The following UTS2 variants were observed in gnomAD, a reference collection of about 807,000 sequenced individuals.
UTS2 encodes the protein urotensin 2, also known as urotensin-2.
UTS2 carries 10 observed loss-of-function variants against 12.6 expected under a neutral mutation model. That is an observed-to-expected ratio of 0.80 (90% CI 0.49 to 1.35). The LOEUF is 1.35. Ranked by LOEUF, UTS2 falls within the 40% of genes most tolerant of loss-of-function variation. UTS2 has a pLI of 0.00. For missense variants in UTS2, 142 were observed against 143.2 expected (o/e 0.99, Z 0.04); for synonymous variants, 52 against 50.0 (o/e 1.04, Z -0.17).
the UTS2 span, among the ~76,000 whole-genome samples, chr1:7,870,860 T>A: frequency 7.0e-6 from 1 of 143,798 alleles, no homozygotes; most frequent in Non-Finnish European, 1.6e-5. Flanking sequence ...AAATTGAGGT[T>A]TTTTACTCGT....
chr1:7,892,515 A>G, the UTS2 span, among the ~76,000 whole-genome samples: 1 of 122,950 alleles, frequency 8.1e-6, no homozygotes. Context: ...TCACTCTGTC[A>G]TCCAGGCTGG....
the UTS2 span, among the ~76,000 whole-genome samples, chr1:7,867,714 A>G: frequency 1.3e-5 from 2 of 152,134 alleles, no homozygotes; most frequent in East Asian, 1.9e-4. Context: ...TGTCTCTACT[A>G]AAAATAGAAA....
chr1:7,866,134 G>A, the UTS2 span, among the ~76,000 whole-genome samples: 3 of 152,156 alleles, frequency 2.0e-5, no homozygotes, highest in Admixed American at 6.5e-5. This position sits in a 1 kb window ranked among gnomAD's most constrained non-coding sequence, Gnocchi z 4.5. Context: ...CCATGCCCAC[G>A]CTCTGGGCCC....
chr1:7,854,787 C>T (rs961032010), upstream of UTS2, among the ~76,000 whole-genome samples: 1 of 152,090 alleles, frequency 6.6e-6, no homozygotes, highest in African/African-American at 2.4e-5. Flanking sequence ...TGAAGTAATA[C>T]ACATGCGAAT....
chr1:7,849,556 C>G, intron 3 of UTS2, 84 bp downstream of exon 3: 1 of 1,253,036 alleles, frequency 8.0e-7, no homozygotes, highest in Non-Finnish European at 1.1e-6. Context: ...AAGAACACTC[C>G]TCTAGTTCAT....
At chr1:7,871,626 A>G in the UTS2 span, among the ~76,000 whole-genome samples, 1 of 152,034 alleles carries the variant, frequency 6.6e-6, no homozygotes, top group Non-Finnish European at 1.5e-5. Context: ...GAGCAAGTCT[A>G]TCAGCACCGT....
chr1:7,882,019 C>A, the UTS2 span, among the ~76,000 whole-genome samples: 27 of 152,122 alleles, frequency 1.8e-4, no homozygotes, highest in Non-Finnish European at 2.5e-4. Flanking sequence ...CAAGAACAGA[C>A]ACTGGGTAAA....
At chr1:7,881,757 C>A in the UTS2 span, among the ~76,000 whole-genome samples, 1 of 152,130 alleles carries the variant, frequency 6.6e-6, no homozygotes. Flanking sequence ...CAATGACATT[C>A]TTCACAGAAA....
the UTS2 span, among the ~76,000 whole-genome samples, chr1:7,885,912 G>C: frequency 2.4e-5 from 2 of 83,294 alleles, no homozygotes; most frequent in South Asian, 9.9e-4. Context: ...GTGGGGTGGG[G>C]GGGGGCGGGT....
At position 7,850,791 on chromosome 1, in the gene UTS2, TA is replaced by T. The variant is rs750642306; in HGVS notation, c.214+20del. 2.5e-6 allele frequency: 4 copies of T among 1,611,386 alleles called. No homozygotes were observed. The East Asian group carries it at 8.9e-5, about 36-fold the overall frequency. Reference sequence around the variant, plus strand: ...AGTAGCAATTAAATCAGACACGCTATAAACATGAGAAGCATTTTACCTGCTT... The same window carrying T: ...AGTAGCAATTAAATCAGACACGCTATAACATGAGAAGCATTTTACCTGCTT... On this transcript the variant is annotated intron_variant, in intron 2 of 3. Transcript: ENST00000361696.
upstream of UTS2, among the ~76,000 whole-genome samples, chr1:7,857,814 C>A (rs1638344075): frequency 6.9e-6 from 1 of 145,452 alleles, no homozygotes; most frequent in South Asian, 2.2e-4. Flanking sequence ...CATGCCATTG[C>A]ACTCCAGCCT....
At chr1:7,863,210 C>T in the UTS2 span, among the ~76,000 whole-genome samples, 1 of 151,908 alleles carries the variant, frequency 6.6e-6, no homozygotes, top group Non-Finnish European at 1.5e-5. Context: ...CTCCCGGGTT[C>T]AAGTGATTCT....
chr1:7,906,483 G>GAAAGA, the UTS2 span, among the ~76,000 whole-genome samples: 2 of 123,092 alleles, frequency 1.6e-5, no homozygotes, highest in Admixed American at 8.9e-5. Context: ...AAGAAAGAAA[G>GAAAGA]AAAGAAAGAA....
At chr1:7,911,740 A>G in the UTS2 span, among the ~76,000 whole-genome samples, 2 of 152,052 alleles carry the variant, frequency 1.3e-5, no homozygotes, top group Non-Finnish European at 2.9e-5. Context: ...CGTCTCTACT[A>G]AAAATACAAA....
the UTS2 span, among the ~76,000 whole-genome samples, chr1:7,872,269 C>T: frequency 6.1e-5 from 7 of 113,834 alleles, no homozygotes; most frequent in African/African-American, 2.4e-4. Flanking sequence ...CACTGCACTC[C>T]AGCCTGGGCA....
In UTS2 at chr1:7,848,719, T is replaced by C. The variant is rs540711124; in HGVS notation, c.259-837A>G. Among the ~76,000 whole-genome samples the C allele has an allele frequency of 2.8e-4, 42 of 152,052 alleles. 1 individual carries two copies. Among genetic ancestry groups the C allele is most frequent in the South Asian group, 6.2e-4 (3 of 4,810 alleles). On this transcript the variant is annotated intron_variant, in intron 3 of 3. Transcript: ENST00000361696. ...ATTTTTTGTAGAGACGGGGTTTCGC[T>C]GTGTTGCCCAGGCTGGTCTTGAACT...
chr1:7,903,853 G>A, the UTS2 span, among the ~76,000 whole-genome samples: 1 of 152,152 alleles, frequency 6.6e-6, no homozygotes, highest in African/African-American at 2.4e-5. Context: ...TTCAGAATGT[G>A]AGAGCTTTCA....
chr1:7,851,295 T>C (rs1046752297), intron 1 of UTS2, among the ~76,000 whole-genome samples: 1 of 150,002 alleles, frequency 6.7e-6, no homozygotes, highest in Non-Finnish European at 1.5e-5. Flanking sequence ...CTTTTAGATA[T>C]TTGGGTGGTG....
the UTS2 span, among the ~76,000 whole-genome samples, chr1:7,894,981 C>A: frequency 6.6e-6 from 1 of 152,032 alleles, no homozygotes; most frequent in South Asian, 2.1e-4. Context: ...TATTTTTTGC[C>A]TCTATTATTT....
Sources: gnomAD v4.1 joint callset for allele counts (sites outside exome capture counted in the v4.1 genomes callset) on GRCh38, gnomAD v4.1.1 for gene constraint, Gnocchi (gnomAD v3.1) non-coding constraint, MANE v1.5 for transcripts, NCBI Gene and HGNC (gene_info 2026-07-23, HGNC 2026-07-21) for gene names.